Variants in ERMAP observed in about 807,000 individuals in gnomAD.
The protein encoded by ERMAP is erythroblast membrane associated protein (Scianna blood group).
A neutral mutation model predicts 49.5 loss-of-function variants in ERMAP; 34 were observed. That is an observed-to-expected ratio of 0.69 (90% CI 0.52 to 0.91). ERMAP has a LOEUF of 0.91. ERMAP is among the 40% of genes least tolerant of loss of function. ERMAP has a pLI of 0.00. For synonymous variants in ERMAP, 214 were observed against 232.2 expected (o/e 0.92, Z 0.71); for missense variants, 541 against 582.6 (o/e 0.93, Z 0.74).
chr1:42,835,865 T>C (rs904676057), intron 6 of ERMAP, 101 bp downstream of exon 6: 60 of 1,502,414 alleles, frequency 4.0e-5, no homozygotes, highest in South Asian at 9.9e-5. Context: ...GAAAATTCCA[T>C]TATCTGCTAT....
At chr1:42,830,616 A>G (rs529685017) in intron 3 of ERMAP, 83 bp downstream of exon 3, 1 of 1,529,758 alleles carries the variant, frequency 6.5e-7, no homozygotes, top group African/African-American at 1.4e-5. Context: ...TGGAAACATT[A>G]TGTCTTTTGG....
intron 4 of ERMAP, among the ~76,000 whole-genome samples, chr1:42,831,551 T>G (rs115186448): frequency 0.05 from 6,364 of 127,298 alleles, 208 homozygotes; most frequent in Middle Eastern, 0.089. Context: ...AAGGGAGAGA[T>G]AGTGTTTTTT....
At chr1:42,817,356 G>T (rs1220555019) in intron 1 of ERMAP, 103 bp downstream of exon 1, 1 of 746,454 alleles carries the variant, frequency 1.3e-6, no homozygotes, top group South Asian at 2.9e-5. Context: ...AGGGCCGAGC[G>T]CCAGGAGGCT....
chr1:42,836,407 G>A (rs1470359007), intron 6 of ERMAP, among the ~76,000 whole-genome samples: 1 of 152,170 alleles, frequency 6.6e-6, no homozygotes, highest in Non-Finnish European at 1.5e-5. Context: ...GGGAGTTGAG[G>A]AGGTGCAGGA....
Position 42,819,238 on chromosome 1 carries a change from A to G in ERMAP, c.-122+1985A>G, listed in dbSNP as rs1047084842. ...GCGCAAGAGAGGGACCGAGAGAGAG[A>G]AAGAGCTAGATTACGCTTCAAGTGG... is the stretch of plus-strand genomic sequence containing the variant. On this transcript the variant is annotated intron_variant, in intron 1 of 11. Transcript: ENST00000372517. The surrounding 1 kb of genome is among the most constrained non-coding windows in gnomAD (Gnocchi z 5.1). Among the ~76,000 whole-genome samples the G allele has an allele frequency of 1.3e-4, 20 of 151,846 alleles. No homozygotes were observed. The East Asian group carries it at 3.9e-3, about 29-fold the overall frequency.
At chr1:42,830,244 T>C (rs1416602079) in intron 2 of ERMAP, 200 bp from the exon 3 acceptor site, 4 of 585,848 alleles carry the variant, frequency 6.8e-6, no homozygotes, top group Non-Finnish European at 1.2e-5. Flanking sequence ...TTTTACCCAT[T>C]TTGAAGATGA....
intron 4 of ERMAP, among the ~76,000 whole-genome samples, chr1:42,831,577 T>A: frequency 1.4e-5 from 1 of 71,348 alleles, no homozygotes; most frequent in Non-Finnish European, 2.4e-5. Flanking sequence ...TTTTTTCTCT[T>A]TTTTTTTTTT....
chr1:42,824,083 G>A (rs1226887526), intron 1 of ERMAP, among the ~76,000 whole-genome samples: 3 of 152,120 alleles, frequency 2.0e-5, no homozygotes, highest in Non-Finnish European at 4.4e-5. Context: ...GGTGGCTCAC[G>A]CCTGTAATCC....
intron 7 of ERMAP, among the ~76,000 whole-genome samples, chr1:42,838,324 T>G (rs1326836692): frequency 6.6e-6 from 1 of 152,146 alleles, no homozygotes; most frequent in African/African-American, 2.4e-5. Flanking sequence ...TCAGGATGTG[T>G]AACTTCAATT....
chr1:42,835,146 G>T lies in ERMAP; in HGVS notation c.542G>T (p.Arg181Ile). 1 of 1,379,426 alleles carries T rather than the reference G, an allele frequency of 7.2e-7. No individual in the cohort carries two copies. The highest frequency in any genetic ancestry group is 1.0e-6 in the Non-Finnish European group (1 of 965,610). The allele number at this position is 1,379,426 out of a possible 1,614,324, so 85.4% of individuals were successfully genotyped here. The change falls in exon 5 of 12, where the codon AGA becomes ATA. Residue 181 changes from arginine (R) to isoleucine (I), a missense_variant. Physicochemically the swap from Arg to Ile is moderately conservative, Grantham distance 97 (BLOSUM62 -3). Coordinates refer to ENST00000372517, the MANE Select transcript of ERMAP (RefSeq NM_001017922.2). ...VCLCLIWKQR[R>I]AKEKLLYEHV... ...CTTTGCCTTATCTGGAAGCAAAGAAGAGCAAAAGGTAATTAAATGGTAAGG... is the reference window on the plus strand; with the variant it reads ...CTTTGCCTTATCTGGAAGCAAAGAATAGCAAAAGGTAATTAAATGGTAAGG...
rs1655143687 is a variant in ERMAP at position 42,844,001 on chromosome 1, A to C, written c.*769A>C. On this transcript the variant is annotated 3_prime_UTR_variant, in exon 12 of 12. Coordinates refer to ENST00000372517, the MANE Select transcript of ERMAP (RefSeq NM_001017922.2). This position sits in a 1 kb window ranked among gnomAD's most constrained non-coding sequence, Gnocchi z 4.0. ...GTATGTTGCCCTCTGACCTTGGCCCAGACCTTCAGAGGCTCAGTCTGTTGA... is the reference window on the plus strand; with the variant it reads ...GTATGTTGCCCTCTGACCTTGGCCCCGACCTTCAGAGGCTCAGTCTGTTGA... 4 of 398,486 alleles carry C rather than the reference A, an allele frequency of 1.0e-5. No homozygotes were observed. Among genetic ancestry groups the C allele is most frequent in the Non-Finnish European group, 1.8e-5 (4 of 225,994 alleles). 24.7% of individuals were successfully genotyped at this position (398,486 alleles called of 1,614,324 possible).
At chr1:42,839,844 A>G (rs759586386) in intron 8 of ERMAP, 189 bp from the exon 9 acceptor site, 20 of 627,538 alleles carry the variant, frequency 3.2e-5, no homozygotes, top group Non-Finnish European at 5.1e-5. Context: ...GATCCTCTGC[A>G]GTATCTCTGG....
rs140726530 is a variant in ERMAP at position 42,829,587 on chromosome 1, G to A, written c.-5-857G>A. ...GCTTTACAGGAGGAAATCCTTTAGGGTCTCCCTGTGATTCATGCACACGGT... is the reference window on the plus strand; with the variant it reads ...GCTTTACAGGAGGAAATCCTTTAGGATCTCCCTGTGATTCATGCACACGGT... On this transcript the variant is annotated intron_variant, in intron 2 of 11. Transcript: ENST00000372517. Among the ~76,000 whole-genome samples the A allele has an allele frequency of 2.5e-3, 374 of 152,104 alleles. 1 individual carries two copies. The highest frequency in any genetic ancestry group is 8.5e-3 in the African/African-American group (353 of 41,488).
At chr1:42,826,167 T>C (rs957639028) in intron 2 of ERMAP, among the ~76,000 whole-genome samples, 1 of 152,202 alleles carries the variant, frequency 6.6e-6, no homozygotes, top group African/African-American at 2.4e-5. Context: ...AACTGCCATG[T>C]TTCCAACATG....
At position 42,825,476 on chromosome 1, in the gene ERMAP, TTGCTC is replaced by T. The variant is rs1252215182; in HGVS notation, c.-121-144_-121-140del. The T allele has an allele frequency of 2.5e-5, 29 of 1,166,976 alleles. No individual in the cohort carries two copies. The Admixed American group carries it at 4.5e-4, about 18-fold the overall frequency. 72.3% of individuals were successfully genotyped at this position (1,166,976 alleles called of 1,614,324 possible). A position where few individuals can be genotyped will look rare whatever the true frequency, so the allele number is the denominator to read the frequency against. On this transcript the variant is annotated intron_variant, in intron 1 of 11. Transcript: ENST00000372517. ...TCCCTCATTTTTGGGAGCCTCCTCT[TTGCTC>T]TGTTCTTTTATCAGGGGCATACAGA...
chr1:42,842,740 G>A lies in ERMAP; in HGVS notation c.936G>A (p.Glu312=), dbSNP rs140414272. ...KTKWILGVCS[E]SVSRKGKVTA... Reference sequence around the variant, plus strand: ...AATGGATTCTTGGAGTATGTAGTGAGTCAGTGAGCAGGAAGGGGAAGGTTA... The same window carrying A: ...AATGGATTCTTGGAGTATGTAGTGAATCAGTGAGCAGGAAGGGGAAGGTTA... The change falls in exon 12 of 12, where the codon GAG becomes GAA. Residue 312 remains glutamate, a synonymous_variant. Transcript: ENST00000372517. 45 of 1,614,186 alleles carry A rather than the reference G, an allele frequency of 2.8e-5. No homozygotes were observed. In the African/African-American group the frequency reaches 4.0e-4, roughly 14 times the overall value.
intron 1 of ERMAP, chr1:42,824,890 C>A (rs1317921217): frequency 1.3e-5 from 2 of 152,208 alleles, no homozygotes; most frequent in African/African-American, 4.8e-5. Flanking sequence ...CAGAAAAATG[C>A]CATGGCCTAT....
intron 3 of ERMAP, 49 bp downstream of exon 3, chr1:42,830,582 G>A (rs759375114): frequency 7.0e-5 from 110 of 1,576,428 alleles, no homozygotes; most frequent in Admixed American, 1.0e-4. Context: ...TGATATTGGC[G>A]TCCCCAGAAT....
chr1:42,825,621 A>T lies in ERMAP; in HGVS notation c.-121-2A>T. ...TGAACTTTTCCCGGCCCACATCCCT[A>T]GGCCTTCCTGATGCGCTTGCCTGCT... is the stretch of plus-strand genomic sequence containing the variant. On this transcript the variant is annotated splice_acceptor_variant, in intron 1 of 11. Transcript: ENST00000372517. LOFTEE classifies it low-confidence loss of function (5UTR_SPLICE). 7.8e-7 allele frequency: 1 copy of T among 1,288,098 alleles called. No individual in the cohort carries two copies. Among genetic ancestry groups the T allele is most frequent in the South Asian group, 1.2e-5 (1 of 80,902 alleles). 79.8% of individuals were successfully genotyped at this position (1,288,098 alleles called of 1,614,324 possible).
Sources: allele counts gnomAD v4.1 joint callset (sites outside exome capture counted in the v4.1 genomes callset), GRCh38; gene constraint gnomAD v4.1.1; non-coding constraint Gnocchi (gnomAD v3.1); transcripts MANE v1.5; gene names NCBI Gene and HGNC (gene_info 2026-07-23, HGNC 2026-07-21).